Variants in SLC14A1 observed in about 807,000 individuals in gnomAD.
SLC14A1 encodes the protein solute carrier family 14 member 1 (Kidd blood group), also known as urea transporter 1.
In SLC14A1, 36 loss-of-function variants were observed where a neutral mutation model predicts 39.6. That is an observed-to-expected ratio of 0.91 (90% CI 0.70 to 1.20). SLC14A1 has a LOEUF of 1.20. SLC14A1 is among the 50% of genes most tolerant of loss of function. The pLI is 0.00. For synonymous variants in SLC14A1, 164 were observed against 173.6 expected (o/e 0.94, Z 0.43); for missense variants, 469 against 478.7 (o/e 0.98, Z 0.19).
chr18:45,748,945 A>G (rs947221799), intron 9 of SLC14A1, among the ~76,000 whole-genome samples: 1 of 152,178 alleles, frequency 6.6e-6, no homozygotes, highest in Non-Finnish European at 1.5e-5. Flanking sequence ...CATTACACAC[A>G]TGCATGATGG....
intron 2 of SLC14A1, chr18:45,727,508 T>A: frequency 1.4e-6 from 2 of 1,420,582 alleles, no homozygotes; most frequent in Non-Finnish European, 1.9e-6. Context: ...GCCTGGGAAG[T>A]GGGGGTTGGC....
rs1419509175 is a variant in SLC14A1, at chr18:45,727,435, C to T, written c.-22+2422C>T. On this transcript the variant is annotated intron_variant, in intron 2 of 9. Transcript: ENST00000321925. ...CAGGAACAGGTATGCTTCCTTCGTG[C>T]AGCCTCTGGCTCGGGGAACCTGGGA... 16 of 1,531,642 alleles carry T rather than the reference C, an allele frequency of 1.0e-5. No homozygotes were observed. The Admixed American group carries it at 3.2e-4, about 30-fold the overall frequency. The allele number at this position is 1,531,642 out of a possible 1,614,324, so 94.9% of individuals were successfully genotyped here. A position where few individuals can be genotyped will look rare whatever the true frequency, so the allele number is the denominator to read the frequency against.
intron 9 of SLC14A1, among the ~76,000 whole-genome samples, chr18:45,749,002 A>G (rs577020): frequency 0.97 from 148,379 of 152,294 alleles, 72,402 homozygotes; most frequent in Middle Eastern, 1. Context: ...AACAAAGAAG[A>G]TTCACAGGCA....
At chr18:45,748,345 A>G in intron 8 of SLC14A1, 31 bp from the exon 9 acceptor site, 1 of 1,612,572 alleles carries the variant, frequency 6.2e-7, no homozygotes, top group Non-Finnish European at 8.5e-7. Flanking sequence ...TCTACGAAGC[A>G]TTGTTCTTTC....
At position 45,751,829 on chromosome 18, in the gene SLC14A1, T is replaced by A. The variant is rs2047719346; in HGVS notation, c.*1878T>A. On this transcript the variant is annotated 3_prime_UTR_variant, in exon 10 of 10. Transcript: ENST00000321925. ...ATTAATTAATTTAAAAAGGAAGTCA[T>A]GTTCATTTACTTTCCACTTCAGTGT... The A allele has an allele frequency of 1.0e-6, 1 of 973,812 alleles. No individual in the cohort carries two copies. Among genetic ancestry groups the A allele is most frequent in the African/African-American group, 1.8e-5 (1 of 56,926 alleles). 60.3% of individuals were successfully genotyped at this position (973,812 alleles called of 1,614,324 possible).
intron 4 of SLC14A1, 38 bp from the exon 5 acceptor site, chr18:45,734,236 A>G: frequency 6.2e-7 from 1 of 1,613,806 alleles, no homozygotes; most frequent in Non-Finnish European, 8.5e-7. Flanking sequence ...ACCAAAGCTC[A>G]CCCAGGAAAT....
chr18:45,727,267 T>G (rs1271439034), intron 2 of SLC14A1: 1 of 1,548,898 alleles, frequency 6.5e-7, no homozygotes, highest in Non-Finnish European at 8.7e-7. Context: ...TGAGAAAAAG[T>G]AAGGATGAAT....
chr18:45,734,568 T>C (rs958743199), intron 5 of SLC14A1, among the ~76,000 whole-genome samples, 166 bp downstream of exon 5: 3 of 152,232 alleles, frequency 2.0e-5, no homozygotes, highest in African/African-American at 7.2e-5. Context: ...CTTAATGTCA[T>C]TGAGCTGCAC....
chr18:45,741,339 C>A (rs930204044), intron 8 of SLC14A1, among the ~76,000 whole-genome samples: 5 of 151,936 alleles, frequency 3.3e-5, no homozygotes, highest in African/African-American at 1.2e-4. Flanking sequence ...TGCTTGGGAA[C>A]AAAAAGGAGG....
At position 45,751,010 on chromosome 18, in the gene SLC14A1, TTCTC is replaced by T. The variant is rs1360034291; in HGVS notation, c.*1064_*1067del. The T allele has an allele frequency of 1.0e-6, 1 of 985,122 alleles. No homozygotes were observed. Among genetic ancestry groups the T allele is most frequent in the Non-Finnish European group, 1.2e-6 (1 of 829,808 alleles). The allele number at this position is 985,122 out of a possible 1,614,324, so 61.0% of individuals were successfully genotyped here. On this transcript the variant is annotated 3_prime_UTR_variant, in exon 10 of 10. Coordinates refer to ENST00000321925, the MANE Select transcript of SLC14A1 (RefSeq NM_015865.7). Reference sequence around the variant, plus strand: ...CATTATTTTTTGCACACTCACAATATTCTCTCTCAGAAATCAATGGCATTTGAAC... The same window carrying T: ...CATTATTTTTTGCACACTCACAATATTCTCAGAAATCAATGGCATTTGAAC...
chr18:45,745,672 A>G (rs1253665768), intron 8 of SLC14A1, among the ~76,000 whole-genome samples: 1 of 152,194 alleles, frequency 6.6e-6, no homozygotes, highest in Non-Finnish European at 1.5e-5. Context: ...AGCTAAATTG[A>G]TGGGTTAAAG....
chr18:45,739,221 CA>C lies in SLC14A1; in HGVS notation c.723del (p.Gly243AlafsTer20), dbSNP rs759505281. On this transcript the variant is annotated frameshift_variant, in exon 7 of 10. Coordinates refer to ENST00000321925, the MANE Select transcript of SLC14A1 (RefSeq NM_015865.7). LOFTEE classifies it high-confidence loss of function. ...GQIYGCDNPWTGGIFLGAILL... is the reference protein window; with the variant it reads ...GQIYGCDNPWXGGIFLGAILL... ...ATCTATGGCTGTGATAATCCATGGA[CA>C]GGGGGCATTTTCCTGGGAGCCATCC... The C allele has an allele frequency of 1.4e-5, 22 of 1,613,968 alleles. No individual in the cohort carries two copies. Among genetic ancestry groups the C allele is most frequent in the Admixed American group, 8.3e-5 (5 of 59,986 alleles).
At chr18:45,724,510 T>C (rs1210394269) in intron 1 of SLC14A1, among the ~76,000 whole-genome samples, 1 of 152,244 alleles carries the variant, frequency 6.6e-6, no homozygotes, top group Non-Finnish European at 1.5e-5. Context: ...GCAAGGTGCA[T>C]GCAGCACCTG....
intron 9 of SLC14A1, 148 bp from the exon 10 acceptor site, chr18:45,749,630 T>G: frequency 1.1e-6 from 1 of 874,924 alleles, no homozygotes; most frequent in South Asian, 1.5e-5. Context: ...GATTGTAAAT[T>G]CAGTCTCCAC....
intron 4 of SLC14A1, chr18:45,731,587 T>G: frequency 3.0e-6 from 1 of 336,304 alleles, no homozygotes. Context: ...TAACCCCCGT[T>G]ATATCTTGTT....
chr18:45,727,644 C>G (rs919170313), intron 2 of SLC14A1, among the ~76,000 whole-genome samples: 16 of 152,312 alleles, frequency 1.1e-4, no homozygotes, highest in African/African-American at 3.8e-4. Flanking sequence ...GATAAGTCAC[C>G]TGGGGTTTTA....
chr18:45,749,726 C>T, intron 9 of SLC14A1, 52 bp from the exon 10 acceptor site: 1 of 1,608,914 alleles, frequency 6.2e-7, no homozygotes, highest in East Asian at 2.2e-5. Flanking sequence ...TTGTGCAGCT[C>T]AGCTGTCAGA....
chr18:45,734,287 T>C lies in SLC14A1; in HGVS notation c.355T>C (p.Ser119Pro). ...LLSQDRSLIASGLYGYNATLV... is the reference protein window; with the variant it reads ...LLSQDRSLIAPGLYGYNATLV... ...CTTGCCCCACAGGTCATTAATAGCA[T>C]CTGGGCTCTATGGCTACAATGCCAC... The change falls in exon 5 of 10, where the codon TCT becomes CCT. Residue 119 changes from serine (S) to proline (P), a missense_variant. Physicochemically the swap from Ser to Pro is moderately conservative, Grantham distance 74. Transcript: ENST00000321925. 6.2e-7 allele frequency: 1 copy of C among 1,614,068 alleles called. No individual in the cohort carries two copies. Among genetic ancestry groups the C allele is most frequent in the Non-Finnish European group, 8.5e-7 (1 of 1,179,954 alleles).
Position 45,748,427 on chromosome 18 carries a change from TGA to T in SLC14A1, c.996+4_996+5del. ...GGCATGGCAAACTTTATGGCTGAGG[TGA>T]GTTTGCTTTAGTCTCACTTTTCATT... is the stretch of plus-strand genomic sequence containing the variant. On this transcript the variant is annotated splice_donor_region_variant and intron_variant, in intron 9 of 9. Coordinates refer to ENST00000321925, the MANE Select transcript of SLC14A1 (RefSeq NM_015865.7). 6.2e-7 allele frequency: 1 copy of T among 1,613,954 alleles called. No individual in the cohort carries two copies. The highest frequency in any genetic ancestry group is 8.5e-7 in the Non-Finnish European group (1 of 1,179,908).
Sources: gnomAD v4.1 joint callset for allele counts (sites outside exome capture counted in the v4.1 genomes callset) on GRCh38, gnomAD v4.1.1 for gene constraint, MANE v1.5 for transcripts, NCBI Gene and HGNC (gene_info 2026-07-23, HGNC 2026-07-21) for gene names.